FLYWCH1: variants seen among roughly 807,000 people sequenced by gnomAD.
FLYWCH1 encodes the protein FLYWCH-type zinc finger-containing protein 1.
A neutral mutation model predicts 66.4 loss-of-function variants in FLYWCH1; 75 were observed. That is an observed-to-expected ratio of 1.13 (90% CI 0.94 to 1.37). The LOEUF is 1.37. Among genes scored for constraint, FLYWCH1 ranks in the 40% most tolerant of loss-of-function variants. The probability of loss-of-function intolerance (pLI) is 0.00; values close to 1 mark genes in which losing one functional copy is unlikely to be tolerated. For synonymous variants in FLYWCH1, 595 were observed against 429.9 expected (o/e 1.38, Z -4.75); for missense variants, 1,334 against 1,001.8 (o/e 1.33, Z -4.48).
At chr16:2,941,023 C>T (rs1022169745) in intron 9 of FLYWCH1, among the ~76,000 whole-genome samples, 9 of 152,126 alleles carry the variant, frequency 5.9e-5, no homozygotes, top group Admixed American at 1.3e-4. Flanking sequence ...CCAAGCTATT[C>T]GGGAGGCAGA....
chr16:2,937,461 C>CACGCTGGCTGGAGGCT, intron 7 of FLYWCH1, 77 bp downstream of exon 7: 1 of 1,438,798 alleles, frequency 7.0e-7, no homozygotes, highest in African/African-American at 1.4e-5. Flanking sequence ...GGAGGCTGCC[C>CACGCTGGCTGGAGGCT]GTGGGGTGTT....
At position 2,929,980 on chromosome 16, in the gene FLYWCH1, C is replaced by T. The variant is rs781042164; in HGVS notation, c.295C>T (p.Pro99Ser). 4 of 1,609,300 alleles carry T rather than the reference C, an allele frequency of 2.5e-6. No homozygotes were observed. The highest frequency in any genetic ancestry group is 2.2e-5 in the East Asian group (1 of 44,700). Residue 99 changes from proline to serine, a missense_variant, in exon 3 of 10, where the codon CCT becomes TCT. Coordinates refer to ENST00000253928, the MANE Select transcript of FLYWCH1 (RefSeq NM_001308068.2). ...GGTGGTCCAGCCAGCCCTAGAGATG[C>T]CTGAACAGAAGTGCAGCAAGCTGGA... Reference protein sequence around the residue: ...GGVVQPALEMPEQKCSKLDAA... With the variant: ...GGVVQPALEMSEQKCSKLDAA...
At chr16:2,928,795 C>T (rs1308090730) in intron 2 of FLYWCH1, 1 of 152,294 alleles carries the variant, frequency 6.6e-6, no homozygotes, top group Non-Finnish European at 1.5e-5. Flanking sequence ...GTGCTGGTTC[C>T]CCATTATCTG....
At chr16:2,925,100 G>A (rs1008733619) in intron 2 of FLYWCH1, among the ~76,000 whole-genome samples, 3 of 152,230 alleles carry the variant, frequency 2.0e-5, no homozygotes, top group East Asian at 1.9e-4. Context: ...CTGGCGGGGT[G>A]AACAGTGTGC....
intron 9 of FLYWCH1, among the ~76,000 whole-genome samples, chr16:2,940,933 C>A (rs1044478099): frequency 2.6e-5 from 4 of 151,714 alleles, no homozygotes; most frequent in Non-Finnish European, 4.4e-5. Flanking sequence ...GAGTTCGAGA[C>A]CAGCCTGGCC....
intron 1 of FLYWCH1, among the ~76,000 whole-genome samples, chr16:2,912,467 C>A (rs1426692594): frequency 6.6e-6 from 1 of 152,224 alleles, no homozygotes; most frequent in Non-Finnish European, 1.5e-5. Flanking sequence ...CCCCGTCCCA[C>A]GGTTGCAGCT....
At chr16:2,943,686 A>C (rs1174306529) in intron 9 of FLYWCH1, 1 of 152,204 alleles carries the variant, frequency 6.6e-6, no homozygotes, top group Non-Finnish European at 1.5e-5. Flanking sequence ...CTGTAATCCC[A>C]GTACTTTGGG....
At chr16:2,923,518 T>A (rs1226269281) in intron 2 of FLYWCH1, among the ~76,000 whole-genome samples, 1 of 152,110 alleles carries the variant, frequency 6.6e-6, no homozygotes, top group Non-Finnish European at 1.5e-5. Context: ...AGTGCTGGGA[T>A]GGCAGGCGTG....
At chr16:2,941,495 G>A (rs1196098696) in intron 9 of FLYWCH1, among the ~76,000 whole-genome samples, 8 of 151,836 alleles carry the variant, frequency 5.3e-5, no homozygotes, top group East Asian at 1.9e-4. Context: ...TGGTAGTATC[G>A]CTTGAACCTG....
chr16:2,930,806 T>TGGA lies in FLYWCH1; in HGVS notation c.734_736dup (p.Glu245dup), dbSNP rs750693133. On this transcript the variant is annotated inframe_insertion, in exon 4 of 10. Coordinates refer to ENST00000253928, the MANE Select transcript of FLYWCH1 (RefSeq NM_001308068.2). The stretch of plus-strand genomic sequence containing the variant: ...GGGCTGGTGCTGAGCAAGCCGGCCC[T>TGGA]GGAGGAGGAGGAGGCACCCCGAGCC... 5.6e-5 allele frequency: 90 copies of TGGA among 1,601,482 alleles called. No homozygotes were observed. The highest frequency in any genetic ancestry group is 7.4e-5 in the Non-Finnish European group (87 of 1,177,490).
rs115570208 is a variant in FLYWCH1 at position 2,924,954 on chromosome 16, G to A, written c.-73-4659G>A. 3.4e-3 allele frequency among the ~76,000 whole-genome samples: 522 copies of A among 152,342 alleles called. 6 individuals carry two copies. The highest frequency in any genetic ancestry group is 0.012 in the African/African-American group (506 of 41,582). On this transcript the variant is annotated intron_variant, in intron 2 of 9. Transcript: ENST00000253928. ...TCTCTCCTGTCACTTCCTGTGACTC[G>A]GGTACAGCTCCATGGGAATGTGGGG...
intron 2 of FLYWCH1, among the ~76,000 whole-genome samples, chr16:2,914,706 C>G (rs1429825547): frequency 1.3e-5 from 2 of 151,978 alleles, no homozygotes; most frequent in Non-Finnish European, 2.9e-5. Context: ...TGAGACCAGC[C>G]TGGCTAACAT....
intron 9 of FLYWCH1, among the ~76,000 whole-genome samples, chr16:2,946,455 C>T (rs929280310): frequency 1.3e-5 from 2 of 151,014 alleles, no homozygotes; most frequent in Admixed American, 1.3e-4. Flanking sequence ...CTGAGTAGCT[C>T]GGATTACAGG....
At chr16:2,938,607 GTTT>G (rs35169451) in intron 8 of FLYWCH1, among the ~76,000 whole-genome samples, 151 bp downstream of exon 8, 1 of 129,172 alleles carries the variant, frequency 7.7e-6, no homozygotes, top group African/African-American at 2.8e-5. Flanking sequence ...ACCAGTCTTT[GTTT>G]TTTTTTTTTT....
rs879793184 is a variant in FLYWCH1, at chr16:2,918,445, C to CT, written c.-74+4168dup. ...TACAGGCGTGAGCCACCGCGCCAGGCTTTTTTTTTTTTGAGAGGGAGTTTT... is the reference window on the plus strand; with the variant it reads ...TACAGGCGTGAGCCACCGCGCCAGGCTTTTTTTTTTTTTGAGAGGGAGTTTT... On this transcript the variant is annotated intron_variant, in intron 2 of 9. Coordinates refer to ENST00000253928, the MANE Select transcript of FLYWCH1 (RefSeq NM_001308068.2). Among the ~76,000 whole-genome samples the CT allele has an allele frequency of 8.5e-3, 1,163 of 136,992 alleles. 15 individuals carry two copies. Among genetic ancestry groups the CT allele is most frequent in the African/African-American group, 0.026 (958 of 37,128 alleles). The allele number at this position is 136,992 out of a possible 152,430, so 89.9% of individuals were successfully genotyped here.
intron 2 of FLYWCH1, among the ~76,000 whole-genome samples, chr16:2,924,099 G>A (rs916391438): frequency 6.6e-6 from 1 of 152,118 alleles, no homozygotes; most frequent in African/African-American, 2.4e-5. Context: ...GGGAGGCCGA[G>A]GCAGGCGGAT....
At chr16:2,918,422 C>T (rs935939857) in intron 2 of FLYWCH1, among the ~76,000 whole-genome samples, 1 of 149,684 alleles carries the variant, frequency 6.7e-6, no homozygotes, top group Non-Finnish European at 1.5e-5. Context: ...GCTGGGATTA[C>T]AGGCGTGAGC....
chr16:2,949,362 T>G lies in FLYWCH1; in HGVS notation c.*635T>G, dbSNP rs2071609615. 6.6e-6 allele frequency: 1 copy of G among 152,330 alleles called. No homozygotes were observed. The highest frequency in any genetic ancestry group is 1.5e-5 in the Non-Finnish European group (1 of 68,230). The allele number at this position is 152,330 out of a possible 1,614,324, so 9.4% of individuals were successfully genotyped here. A position where few individuals can be genotyped will look rare whatever the true frequency, so the allele number is the denominator to read the frequency against. On this transcript the variant is annotated 3_prime_UTR_variant, in exon 10 of 10. Transcript: ENST00000253928. ...TTTCTGTGCTCCTTCCAAGTTAAAT[T>G]AAACCCCCTCTCCACGATTCCCACG...
In FLYWCH1 at chr16:2,933,493, G is replaced by A. The variant is rs200267787; in HGVS notation, c.1160G>A (p.Arg387Gln). The A allele has an allele frequency of 4.8e-4, 780 of 1,609,062 alleles. No individual in the cohort carries two copies. Among genetic ancestry groups the A allele is most frequent in the Non-Finnish European group, 6.2e-4 (727 of 1,178,116 alleles). ...GPGPLTLTRP[R>Q]PRKRAKVEDQ... Reference sequence around the variant, plus strand: ...GGTCCCCTGACTCTCACCAGGCCTCGGCCCAGAAAGCGAGCAAAGGTCGAA... The same window carrying A: ...GGTCCCCTGACTCTCACCAGGCCTCAGCCCAGAAAGCGAGCAAAGGTCGAA... Residue 387 changes from arginine to glutamine, a missense_variant, in exon 5 of 10, where the codon CGG becomes CAG. Physicochemically the swap from Arg to Gln is conservative, Grantham distance 43. Transcript: ENST00000253928.
Sources: gnomAD v4.1 joint callset for allele counts (sites outside exome capture counted in the v4.1 genomes callset) on GRCh38, gnomAD v4.1.1 for gene constraint, MANE v1.5 for transcripts, NCBI Gene and HGNC (gene_info 2026-07-23, HGNC 2026-07-21) for gene names.